Variants in PPIP5K2 observed in about 807,000 individuals in gnomAD.
The protein encoded by PPIP5K2 is diphosphoinositol pentakisphosphate kinase 2, also known as inositol hexakisphosphate and diphosphoinositol-pentakisphosphate kinase 2.
A neutral mutation model predicts 154.6 loss-of-function variants in PPIP5K2; 105 were observed. The observed-to-expected ratio is 0.68, with a 90% CI of 0.58 to 0.80. PPIP5K2 has a LOEUF of 0.80. Among genes scored for constraint, PPIP5K2 ranks in the 30% least tolerant of loss-of-function variants. PPIP5K2 has a pLI of 0.00. For synonymous variants in PPIP5K2, 480 were observed against 490.3 expected, an observed-to-expected ratio of 0.98 and a Z score of 0.28; for missense variants, 992 against 1,504.6, an observed-to-expected ratio of 0.66 and a Z score of 5.64.
intron 30 of PPIP5K2, among the ~76,000 whole-genome samples, chr5:103,198,091 T>A (rs1802393320): frequency 6.6e-6 from 1 of 152,118 alleles, no homozygotes; most frequent in South Asian, 2.1e-4. Context: ...ATTTTCATTA[T>A]CATTCAGTTA....
At chr5:103,163,747 A>G (rs1376955765) in intron 17 of PPIP5K2, among the ~76,000 whole-genome samples, 1 of 151,792 alleles carries the variant, frequency 6.6e-6, no homozygotes, top group Non-Finnish European at 1.5e-5. Flanking sequence ...ATTTTCTTTC[A>G]TCTATTATAT....
Position 103,201,566 on chromosome 5 carries a change from C to T in PPIP5K2, c.3664C>T (p.Arg1222Trp), listed in dbSNP as rs1554230364. The change falls in exon 31 of 31, where the codon CGG becomes TGG. Residue 1222 changes from arginine to tryptophan, a missense_variant. Arg to Trp is a moderately radical substitution (Grantham distance 101). This residue lies in a region of PPIP5K2 where 131 missense variants were observed against 117.8 expected (regional missense o/e 1.11). Coordinates refer to ENST00000358359, the MANE Select transcript of PPIP5K2 (RefSeq NM_001276277.3). ...TGCAGTTGTTCCTAATACCTCATCTCGGAAAAAGAATATAACTAGCAAAAC... is the reference window on the plus strand; with the variant it reads ...TGCAGTTGTTCCTAATACCTCATCTTGGAAAAAGAATATAACTAGCAAAAC... ...SSAVVPNTSS[R>W]KKNITSKTET... 3 of 1,607,722 alleles carry T rather than the reference C, an allele frequency of 1.9e-6. No individual in the cohort carries two copies. Among genetic ancestry groups the T allele is most frequent in the South Asian group, 1.1e-5 (1 of 90,000 alleles).
chr5:103,186,352 G>T lies in PPIP5K2; in HGVS notation c.3202G>T (p.Val1068Leu), dbSNP rs1554225015. Reference protein sequence around the residue: ...SHCAGLFSTSVLGGSSSAPNL... With the variant: ...SHCAGLFSTSLLGGSSSAPNL... ...CTGTGCGGGCCTGTTTAGCACCTCG[G>T]TGCTCGGGGGTTCTTCAAGCGCACC... The change falls in exon 27 of 31, where the codon GTG (valine) becomes TTG (leucine). Residue 1068 changes from valine (V) to leucine (L), a missense_variant. Coordinates refer to ENST00000358359, the MANE Select transcript of PPIP5K2 (RefSeq NM_001276277.3). 6.2e-7 allele frequency: 1 copy of T among 1,613,836 alleles called. No homozygotes were observed. Among genetic ancestry groups the T allele is most frequent in the Non-Finnish European group, 8.5e-7 (1 of 1,179,872 alleles).
intron 30 of PPIP5K2, among the ~76,000 whole-genome samples, chr5:103,199,272 A>G (rs1418210333): frequency 1.3e-5 from 2 of 152,078 alleles, no homozygotes; most frequent in South Asian, 4.1e-4. Flanking sequence ...CTGTGTTTCC[A>G]TCTGGTTTCG....
intron 7 of PPIP5K2, chr5:103,148,303 T>C (rs1794065377): frequency 2.4e-6 from 1 of 422,690 alleles, no homozygotes; most frequent in South Asian, 2.1e-5. Flanking sequence ...AAAACCAACT[T>C]TGTGTTACAC....
At chr5:103,131,845 G>T (rs17155089) in intron 2 of PPIP5K2, among the ~76,000 whole-genome samples, 1,861 of 152,178 alleles carry the variant, frequency 0.012, 34 homozygotes, top group African/African-American at 0.043. Context: ...CTCTGCGATT[G>T]TGCCTTAAGA....
rs1368999351 is a variant in PPIP5K2, at chr5:103,129,482, A to G, written c.-108A>G. On this transcript the variant is annotated 5_prime_UTR_variant, in exon 2 of 31. Coordinates refer to ENST00000358359, the MANE Select transcript of PPIP5K2 (RefSeq NM_001276277.3). Reference sequence around the variant, plus strand: ...TATAAGCAGAAACAAGCTGTCACAGACCTGTGCGTCAGCTAATATATGGAG... The same window carrying G: ...TATAAGCAGAAACAAGCTGTCACAGGCCTGTGCGTCAGCTAATATATGGAG... 1 of 826,714 alleles carries G rather than the reference A, an allele frequency of 1.2e-6. No individual in the cohort carries two copies. Among genetic ancestry groups the G allele is most frequent in the Non-Finnish European group, 1.8e-6 (1 of 567,594 alleles). 51.2% of individuals were successfully genotyped at this position (826,714 alleles called of 1,614,324 possible). A position where few individuals can be genotyped will look rare whatever the true frequency, so the allele number is the denominator to read the frequency against.
intron 14 of PPIP5K2, among the ~76,000 whole-genome samples, chr5:103,157,592 AC>A (rs1333018566): frequency 2.0e-5 from 3 of 152,138 alleles, no homozygotes; most frequent in Non-Finnish European, 2.9e-5. Flanking sequence ...AGCCTGGCCA[AC>A]ATGGTGAAAC....
chr5:103,180,034 G>A lies in PPIP5K2; in HGVS notation c.2768G>A (p.Arg923Lys). Residue 923 changes from arginine to lysine, a missense_variant, in exon 24 of 31, where the codon AGA (arginine) becomes AAA (lysine). This residue lies in a region of PPIP5K2 where 204 missense variants were observed against 224.0 expected (regional missense o/e 0.91). Coordinates refer to ENST00000358359, the MANE Select transcript of PPIP5K2 (RefSeq NM_001276277.3). ...CTTTGCTCACAGAATGAAGGCAGGAGACCTTTTAAAATTGATAATGATGAT... is the reference window on the plus strand; with the variant it reads ...CTTTGCTCACAGAATGAAGGCAGGAAACCTTTTAAAATTGATAATGATGAT... ...RPASRENEGRRPFKIDNDDEP... is the reference protein window; with the variant it reads ...RPASRENEGRKPFKIDNDDEP... The A allele has an allele frequency of 6.5e-7, 1 of 1,537,516 alleles. No individual in the cohort carries two copies. The highest frequency in any genetic ancestry group is 8.7e-7 in the Non-Finnish European group (1 of 1,144,496).
chr5:103,168,604 G>A (rs1360137160), intron 19 of PPIP5K2, among the ~76,000 whole-genome samples: 4 of 151,554 alleles, frequency 2.6e-5, no homozygotes, highest in African/African-American at 7.3e-5. Flanking sequence ...TCCATACATA[G>A]CACGTCCTCC....
intron 2 of PPIP5K2, 26 bp from the exon 3 acceptor site, chr5:103,133,427 G>A (rs1554203225): frequency 3.1e-6 from 5 of 1,593,408 alleles, no homozygotes; most frequent in Non-Finnish European, 3.4e-6. Flanking sequence ...AAGTTAACCC[G>A]ATTTTTTGTT....
At chr5:103,137,288 G>A (rs1028818568) in intron 4 of PPIP5K2, among the ~76,000 whole-genome samples, 2 of 150,888 alleles carry the variant, frequency 1.3e-5, no homozygotes, top group African/African-American at 2.4e-5. Context: ...TCAGCCTCCC[G>A]AGTAGCTGGG....
chr5:103,139,431 A>C (rs1554205625), intron 5 of PPIP5K2, among the ~76,000 whole-genome samples: 1 of 152,182 alleles, frequency 6.6e-6, no homozygotes, highest in Non-Finnish European at 1.5e-5. Flanking sequence ...TCTAGGAGTC[A>C]GCAAGAGTTT....
intron 5 of PPIP5K2, among the ~76,000 whole-genome samples, chr5:103,145,596 A>G (rs1793622385): frequency 6.6e-6 from 1 of 152,082 alleles, no homozygotes; most frequent in South Asian, 2.1e-4. Flanking sequence ...AACAACATGG[A>G]TGGAACTGGA....
At position 103,204,449 on chromosome 5, in the gene PPIP5K2, A is replaced by G. The variant is rs1440378770; in HGVS notation, c.*2815A>G. 1 of 152,088 alleles carries G rather than the reference A, an allele frequency of 6.6e-6. No individual in the cohort carries two copies. The highest frequency in any genetic ancestry group is 1.5e-5 in the Non-Finnish European group (1 of 68,020). The allele number at this position is 152,088 out of a possible 1,614,324, so 9.4% of individuals were successfully genotyped here. A position where few individuals can be genotyped will look rare whatever the true frequency, so the allele number is the denominator to read the frequency against. On this transcript the variant is annotated 3_prime_UTR_variant, in exon 31 of 31. Transcript: ENST00000358359. ...AACAACAGAATTCTTGCCAGTGGGAACATTTTTCTTTTTTAGACAAGGTCT... is the reference window on the plus strand; with the variant it reads ...AACAACAGAATTCTTGCCAGTGGGAGCATTTTTCTTTTTTAGACAAGGTCT...
chr5:103,137,044 G>A (rs782140082), intron 4 of PPIP5K2, among the ~76,000 whole-genome samples: 2 of 152,108 alleles, frequency 1.3e-5, no homozygotes, highest in Non-Finnish European at 2.9e-5. Flanking sequence ...CCACGTAGTA[G>A]GACAAAGACT....
intron 29 of PPIP5K2, chr5:103,191,203 A>C (rs1233446651): frequency 7.7e-6 from 3 of 389,036 alleles, no homozygotes; most frequent in Non-Finnish European, 1.3e-5. Context: ...AAAAAAACAA[A>C]AAACAAAAAA....
rs1452716267 is a variant in PPIP5K2 at position 103,189,177 on chromosome 5, C to A, written c.3353-1665C>A. Reference sequence around the variant, plus strand: ...TGGGCCTCTGTGCAGAACACCTACACCTCTATAGGTGCTGGTCCGTTTCCT... The same window carrying A: ...TGGGCCTCTGTGCAGAACACCTACAACTCTATAGGTGCTGGTCCGTTTCCT... On this transcript the variant is annotated intron_variant, in intron 28 of 30. Coordinates refer to ENST00000358359, the MANE Select transcript of PPIP5K2 (RefSeq NM_001276277.3). 3 of 1,530,110 alleles carry A rather than the reference C, an allele frequency of 2.0e-6. No homozygotes were observed. The African/African-American group carries it at 4.1e-5, about 21-fold the overall frequency. 94.8% of individuals were successfully genotyped at this position (1,530,110 alleles called of 1,614,324 possible).
intron 17 of PPIP5K2, among the ~76,000 whole-genome samples, chr5:103,162,050 A>G (rs1274853640): frequency 2.0e-5 from 3 of 152,160 alleles, no homozygotes; most frequent in African/African-American, 4.8e-5. Flanking sequence ...CCAGAGGTCA[A>G]TGATAGTTGT....
Sources: gnomAD v4.1 joint callset for allele counts (sites outside exome capture counted in the v4.1 genomes callset) on GRCh38, gnomAD v4.1.1 for gene constraint, gnomAD v4.1.1 regional missense constraint, MANE v1.5 for transcripts, NCBI Gene and HGNC (gene_info 2026-07-23, HGNC 2026-07-21) for gene names.